Variants in CAMTA1 observed in about 807,000 individuals in gnomAD.
CAMTA1 encodes the protein calmodulin-binding transcription activator 1.
A neutral mutation model predicts 170.9 loss-of-function variants in CAMTA1; 27 were observed. The observed-to-expected ratio is 0.16, with a 90% confidence interval of 0.12 to 0.22. CAMTA1 has a LOEUF of 0.22. Among genes scored for constraint, CAMTA1 ranks in the 10% least tolerant of loss-of-function variants. The pLI is 1.00. For synonymous variants in CAMTA1, 833 were observed against 891.5 expected (o/e 0.93, Z 1.17); for missense variants, 1,619 against 2,217.2 (o/e 0.73, Z 5.42).
At chr1:6,845,952 C>T (rs149618997) in intron 3 of CAMTA1, among the ~76,000 whole-genome samples, 49 of 152,158 alleles carry the variant, frequency 3.2e-4, no homozygotes, top group African/African-American at 1.1e-3. Context: ...TGGCAGAAGG[C>T]AAAGGAGAAG....
chr1:7,009,852 C>T (rs1000254500), intron 3 of CAMTA1, among the ~76,000 whole-genome samples: 1 of 152,228 alleles, frequency 6.6e-6, no homozygotes, highest in Admixed American at 6.5e-5. Flanking sequence ...CCCTCTGTCA[C>T]TGCAGCATGG....
At chr1:6,985,313 G>C (rs932920226) in intron 3 of CAMTA1, among the ~76,000 whole-genome samples, 1 of 152,228 alleles carries the variant, frequency 6.6e-6, no homozygotes, top group South Asian at 2.1e-4. Flanking sequence ...AATGGGAGGA[G>C]CTGGCATCTG....
At chr1:7,186,078 T>A (rs187993024) in intron 4 of CAMTA1, among the ~76,000 whole-genome samples, 31 of 152,322 alleles carry the variant, frequency 2.0e-4, no homozygotes, top group African/African-American at 7.2e-4. Context: ...AGGGGCATCG[T>A]GGCTTTGCCT....
At chr1:7,624,567 G>GGGTGGGT (rs2095620696) in intron 6 of CAMTA1, among the ~76,000 whole-genome samples, 1 of 152,200 alleles carries the variant, frequency 6.6e-6, no homozygotes, top group African/African-American at 2.4e-5. Context: ...AGAGGGTGAT[G>GGGTGGGT]GGTGGGTGGT....
At chr1:7,053,651 A>G (rs538618709) in intron 3 of CAMTA1, among the ~76,000 whole-genome samples, 1 of 151,984 alleles carries the variant, frequency 6.6e-6, no homozygotes, top group East Asian at 1.9e-4. Context: ...CACTCTGGGG[A>G]CACAGGCATC....
At chr1:7,284,469 T>C (rs1672068168) in intron 5 of CAMTA1, among the ~76,000 whole-genome samples, 1 of 152,150 alleles carries the variant, frequency 6.6e-6, no homozygotes, top group Non-Finnish European at 1.5e-5. Context: ...CCCAAAGTGC[T>C]GGGATTACAG....
intron 3 of CAMTA1, among the ~76,000 whole-genome samples, chr1:6,885,134 GT>G (rs1269694222): frequency 6.6e-6 from 1 of 152,166 alleles, no homozygotes; most frequent in East Asian, 1.9e-4. Flanking sequence ...GCTAAATGGT[GT>G]TTTGCTTACA....
At chr1:6,958,785 G>A (rs543299136) in intron 3 of CAMTA1, among the ~76,000 whole-genome samples, 4 of 152,138 alleles carry the variant, frequency 2.6e-5, no homozygotes, top group Non-Finnish European at 5.9e-5. Context: ...GTTGCTGTGT[G>A]GCTCACCCTC....
intron 1 of CAMTA1, among the ~76,000 whole-genome samples, chr1:6,815,629 T>G (rs915995583): frequency 2.6e-5 from 4 of 152,224 alleles, no homozygotes; most frequent in Non-Finnish European, 5.9e-5. Flanking sequence ...TGAAAGTACT[T>G]TTTAAATCTT....
chr1:7,608,057 A>C (rs1028841851), intron 6 of CAMTA1, among the ~76,000 whole-genome samples: 3 of 152,182 alleles, frequency 2.0e-5, no homozygotes, highest in African/African-American at 7.2e-5. Context: ...CCTGTCCTCA[A>C]CTGGGTCAAG....
At chr1:7,572,474 T>C (rs952739544) in intron 6 of CAMTA1, among the ~76,000 whole-genome samples, 2 of 152,232 alleles carry the variant, frequency 1.3e-5, no homozygotes, top group Non-Finnish European at 2.9e-5. Context: ...TGGTTTTAGG[T>C]CTTACATTTA....
At chr1:7,360,829 C>G (rs845194) in intron 5 of CAMTA1, among the ~76,000 whole-genome samples, 1 of 152,068 alleles carries the variant, frequency 6.6e-6, no homozygotes, top group Non-Finnish European at 1.5e-5. Flanking sequence ...ACTTTCTCCA[C>G]GCCGGAGTTG....
At chr1:7,398,193 C>CTCTCTCTCTCTATA (rs1557651862) in intron 5 of CAMTA1, among the ~76,000 whole-genome samples, 1 of 16,898 alleles carries the variant, frequency 5.9e-5, no homozygotes, top group African/African-American at 1.9e-4. Context: ...CTCTCTCTCT[C>CTCTCTCTCTCTATA]TATATATATA....
chr1:7,708,976 T>G (rs1416944099), intron 11 of CAMTA1, among the ~76,000 whole-genome samples: 3 of 152,176 alleles, frequency 2.0e-5, no homozygotes, highest in African/African-American at 4.8e-5. Flanking sequence ...CACCTGACTT[T>G]CACCACCCCA....
chr1:7,514,323 C>T (rs2094248581), intron 6 of CAMTA1, among the ~76,000 whole-genome samples: 1 of 152,260 alleles, frequency 6.6e-6, no homozygotes, highest in Admixed American at 6.5e-5. Context: ...AAACACAGGG[C>T]AGACAGGCAG....
intron 5 of CAMTA1, among the ~76,000 whole-genome samples, chr1:7,281,008 T>G (rs1031315572): frequency 2.6e-5 from 4 of 152,208 alleles, no homozygotes; most frequent in African/African-American, 4.8e-5. Flanking sequence ...AGCCAAATTA[T>G]TTACAAACAC....
At chr1:7,451,774 A>C (rs1775039) in intron 5 of CAMTA1, among the ~76,000 whole-genome samples, 115,021 of 152,052 alleles carry the variant, frequency 0.76, 44,167 homozygotes, top group African/African-American at 0.89. Context: ...TTCTCACCCA[A>C]CCAGAAGGGC....
chr1:7,213,906 G>C (rs1401246986), intron 4 of CAMTA1, among the ~76,000 whole-genome samples: 1 of 152,060 alleles, frequency 6.6e-6, no homozygotes, highest in African/African-American at 2.4e-5. Context: ...ATGTTTTCCA[G>C]CTTCATCCAT....
chr1:7,750,635 T>C (rs2096890136), intron 19 of CAMTA1, among the ~76,000 whole-genome samples: 1 of 152,242 alleles, frequency 6.6e-6, no homozygotes, highest in African/African-American at 2.4e-5. Flanking sequence ...TTCACCACCG[T>C]GTTGGTCTTA....
Sources: gnomAD v4.1 joint callset for allele counts (sites outside exome capture counted in the v4.1 genomes callset) on GRCh38, gnomAD v4.1.1 for gene constraint, MANE v1.5 for transcripts, NCBI Gene and HGNC (gene_info 2026-07-23, HGNC 2026-07-21) for gene names.